Variants in TFB1M observed in about 807,000 individuals in gnomAD.
TFB1M encodes dimethyladenosine transferase 1, mitochondrial.
A neutral mutation model predicts 31.1 loss-of-function variants in TFB1M; 27 were observed. That is an observed-to-expected ratio of 0.87 (90% CI 0.64 to 1.20). The LOEUF is 1.20. Ranked by LOEUF, TFB1M falls within the 50% of genes most tolerant of loss-of-function variation. The pLI, the probability that TFB1M is intolerant of heterozygous loss-of-function variation, is 0.00. For synonymous variants in TFB1M, 166 were observed against 151.8 expected, an observed-to-expected ratio of 1.09 and a Z score of -0.69; for missense variants, 394 against 418.7, an observed-to-expected ratio of 0.94 and a Z score of 0.51.
the TFB1M span, among the ~76,000 whole-genome samples, chr6:155,249,451 G>A: frequency 1.3e-5 from 2 of 152,164 alleles, no homozygotes; most frequent in Non-Finnish European, 2.9e-5. Context: ...CTGGAACTCT[G>A]GCAGAATATC....
At chr6:155,233,276 T>A in the TFB1M span, among the ~76,000 whole-genome samples, 1 of 152,170 alleles carries the variant, frequency 6.6e-6, no homozygotes, top group South Asian at 2.1e-4. Context: ...AAAGAGAATA[T>A]CAAAGTTGTT....
At chr6:155,301,456 G>T (rs528450331) in intron 2 of TFB1M, among the ~76,000 whole-genome samples, 1 of 152,150 alleles carries the variant, frequency 6.6e-6, no homozygotes, top group Non-Finnish European at 1.5e-5. Flanking sequence ...TGATACATGG[G>T]GTATGGTGGA....
chr6:155,250,220 C>T, the TFB1M span, among the ~76,000 whole-genome samples: 1 of 151,390 alleles, frequency 6.6e-6, no homozygotes, highest in Non-Finnish European at 1.5e-5. Flanking sequence ...TGAGAGCTGG[C>T]AGAGGGTGGG....
rs959667845 is a variant in TFB1M at position 155,297,167 on chromosome 6, G to A, written c.395-63C>T. On this transcript the variant is annotated intron_variant, in intron 3 of 6. Coordinates refer to ENST00000367166, the MANE Select transcript of TFB1M (RefSeq NM_016020.4). ...TCAATATATTCTGAATACAATTTCA[G>A]TGACGAGTAAAATCAGACTGGATAT... The A allele has an allele frequency of 8.4e-6, 13 of 1,549,274 alleles. No individual in the cohort carries two copies. In the African/African-American group the frequency reaches 1.6e-4, roughly 19 times the overall value.
Position 155,314,362 on chromosome 6 carries a change from T to C in TFB1M, c.67A>G (p.Lys23Glu), listed in dbSNP as rs758278830. ...TTCGCTGCTTGCAGTCTTAACAACT[T>C]AATGATTTCTCGAATCGTGGGCAAC... The part of the protein sequence containing the change: ...PPLPTIREII[K>E]LLRLQAAKQL... The change falls in exon 1 of 7, where the codon AAG (lysine) becomes GAG (glutamate). Residue 23 changes from lysine (K) to glutamate (E), a missense_variant. This residue lies in a region of TFB1M where 273 missense variants were observed against 256.4 expected (regional missense o/e 1.06). Coordinates refer to ENST00000367166, the MANE Select transcript of TFB1M (RefSeq NM_016020.4). 2.5e-6 allele frequency: 4 copies of C among 1,614,182 alleles called. No homozygotes were observed. Among genetic ancestry groups the C allele is most frequent in the Non-Finnish European group, 3.4e-6 (4 of 1,180,016 alleles).
downstream of TFB1M, chr6:155,254,314 A>T: frequency 6.8e-7 from 1 of 1,460,582 alleles, no homozygotes; most frequent in Non-Finnish European, 9.3e-7. Context: ...GCTGGCTGGC[A>T]GCCTGGTCCA....
intron 2 of TFB1M, among the ~76,000 whole-genome samples, chr6:155,308,671 G>A (rs1052464748): frequency 1.3e-5 from 2 of 152,174 alleles, no homozygotes; most frequent in African/African-American, 4.8e-5. Flanking sequence ...CATGAATCCT[G>A]TATGTTAGCA....
intron 4 of TFB1M, among the ~76,000 whole-genome samples, chr6:155,286,528 T>C (rs1776646838): frequency 1.4e-5 from 2 of 143,200 alleles, no homozygotes; most frequent in Non-Finnish European, 1.5e-5. Context: ...TATATATGTA[T>C]ATATATACAT....
chr6:155,248,317 A>G, the TFB1M span: 3 of 1,005,848 alleles, frequency 3.0e-6, no homozygotes, highest in Non-Finnish European at 4.2e-6. Flanking sequence ...TGCGATGGTT[A>G]ATCTTAGGTT....
chr6:155,252,828 C>T (rs1783749095), downstream of TFB1M: 3 of 833,052 alleles, frequency 3.6e-6, no homozygotes, highest in Non-Finnish European at 5.8e-6. Context: ...GCCCTGAACA[C>T]CCACATGGCT....
intron 2 of TFB1M, among the ~76,000 whole-genome samples, chr6:155,299,892 T>G (rs1562420296): frequency 6.6e-6 from 1 of 152,242 alleles, no homozygotes; most frequent in Non-Finnish European, 1.5e-5. Context: ...ACTGTGCGTC[T>G]GCCTCTTTAC....
chr6:155,303,035 C>T (rs955732382), intron 2 of TFB1M: 12 of 152,168 alleles, frequency 7.9e-5, no homozygotes, highest in Admixed American at 7.9e-4. Context: ...CAAACCATAT[C>T]AGATTTTATT....
At chr6:155,300,033 A>G (rs541656924) in intron 2 of TFB1M, among the ~76,000 whole-genome samples, 19 of 152,348 alleles carry the variant, frequency 1.2e-4, no homozygotes, top group African/African-American at 4.6e-4. Context: ...TACATATTTA[A>G]GAAGTGCATG....
intron 2 of TFB1M, chr6:155,310,829 G>A (rs543775397): frequency 5.0e-4 from 112 of 224,484 alleles, no homozygotes; most frequent in African/African-American, 2.5e-3. Flanking sequence ...TCATACCAAT[G>A]AGTCATTACT....
intron 5 of TFB1M, chr6:155,261,076 T>C (rs1180545494): frequency 6.4e-6 from 1 of 155,326 alleles, no homozygotes; most frequent in Non-Finnish European, 1.4e-5. Context: ...TTTTCAGGCA[T>C]ATCTTATAAG....
At chr6:155,304,327 A>G (rs1465624279) in intron 2 of TFB1M, among the ~76,000 whole-genome samples, 2 of 152,006 alleles carry the variant, frequency 1.3e-5, no homozygotes, top group Non-Finnish European at 2.9e-5. Context: ...CTAACAATAC[A>G]ATGACTTACT....
chr6:155,299,196 G>A (rs559794511), intron 2 of TFB1M, among the ~76,000 whole-genome samples: 6 of 152,032 alleles, frequency 3.9e-5, no homozygotes, highest in African/African-American at 1.2e-4. Flanking sequence ...GAATTACCCT[G>A]GATGTTTAAC....
intron 5 of TFB1M, among the ~76,000 whole-genome samples, chr6:155,265,187 CCCAGCCGGGCCATGGGT>C (rs1784572652): frequency 6.6e-6 from 1 of 152,160 alleles, no homozygotes; most frequent in Non-Finnish European, 1.5e-5. Context: ...TTCGAGGCTG[CCCAGCCGGGCCATGGGT>C]GTGGCAGCAC....
chr6:155,249,971 T>A, the TFB1M span: 1 of 1,607,820 alleles, frequency 6.2e-7, no homozygotes, highest in Non-Finnish European at 8.5e-7. Context: ...GAGAAGGAGG[T>A]CCGTGAGACA....
Sources: gnomAD v4.1 joint callset for allele counts (sites outside exome capture counted in the v4.1 genomes callset) on GRCh38, gnomAD v4.1.1 for gene constraint, gnomAD v4.1.1 regional missense constraint, MANE v1.5 for transcripts, NCBI Gene and HGNC (gene_info 2026-07-23, HGNC 2026-07-21) for gene names.